PHLPP2: variants seen among roughly 807,000 people sequenced by gnomAD.
PHLPP2 encodes PH domain and leucine rich repeat protein phosphatase 2, also known as PH domain leucine-rich repeat-containing protein phosphatase 2.
Under a neutral mutation model 124.9 loss-of-function variants are expected in PHLPP2, and 66 were observed. The ratio of observed to expected loss-of-function variants is 0.53; its 90% CI spans 0.43 to 0.65. The LOEUF is 0.65. PHLPP2 is among the 30% of genes least tolerant of loss of function. The pLI is 0.00. For synonymous variants in PHLPP2, 681 were observed against 624.7 expected (o/e 1.09, Z -1.34); for missense variants, 1,685 against 1,600.4 (o/e 1.05, Z -0.90).
intron 4 of PHLPP2, among the ~76,000 whole-genome samples, chr16:71,685,363 C>T (rs2045045773): frequency 6.6e-6 from 1 of 152,114 alleles, no homozygotes; most frequent in Non-Finnish European, 1.5e-5. Flanking sequence ...ATTCCAACAA[C>T]TCAACCTATA....
intron 13 of PHLPP2, among the ~76,000 whole-genome samples, chr16:71,659,798 C>G (rs1415645309): frequency 6.6e-6 from 1 of 152,016 alleles, no homozygotes; most frequent in African/African-American, 2.4e-5. Flanking sequence ...TTAAAAATTA[C>G]AAAAATAATA....
chr16:71,691,979 T>C (rs2045118028), intron 3 of PHLPP2, among the ~76,000 whole-genome samples: 1 of 151,462 alleles, frequency 6.6e-6, no homozygotes, highest in Non-Finnish European at 1.5e-5. Context: ...GACAACTAAC[T>C]ATACACAGAA....
chr16:71,678,481 T>C (rs779253045), intron 8 of PHLPP2: 3 of 345,666 alleles, frequency 8.7e-6, no homozygotes, highest in Non-Finnish European at 1.1e-5. Flanking sequence ...CTACTAAAAG[T>C]AGAAAAAAAT....
chr16:71,713,557 G>A (rs939470104), intron 2 of PHLPP2, among the ~76,000 whole-genome samples: 1 of 151,994 alleles, frequency 6.6e-6, no homozygotes, highest in African/African-American at 2.4e-5. Context: ...GCAAAAAACT[G>A]GTAACAACTT....
intron 5 of PHLPP2, among the ~76,000 whole-genome samples, chr16:71,683,259 G>A (rs960226244): frequency 2.6e-5 from 4 of 152,122 alleles, no homozygotes; most frequent in African/African-American, 7.2e-5. Context: ...TGCAAAGATG[G>A]CTAGAAGAAA....
chr16:71,679,449 T>G lies in PHLPP2; in HGVS notation c.977A>C (p.Glu326Ala). 2 of 1,613,786 alleles carry G rather than the reference T, an allele frequency of 1.2e-6. No individual in the cohort carries two copies. The highest frequency in any genetic ancestry group is 8.5e-7 in the Non-Finnish European group (1 of 1,179,710). The change falls in exon 7 of 19, where the codon GAG becomes GCG. Residue 326 changes from glutamate (E) to alanine (A), a missense_variant. Physicochemically the swap from Glu to Ala is moderately radical, Grantham distance 107. Transcript: ENST00000568954. ...ILLCEISTLT[E>A]LNLSCNGFHD... ...AAATCCATTACAGGAAAGGTTGAGCTCAGTCAGGGTAGAGATCTCGCATAA... is the reference window on the plus strand; with the variant it reads ...AAATCCATTACAGGAAAGGTTGAGCGCAGTCAGGGTAGAGATCTCGCATAA...
intron 4 of PHLPP2, among the ~76,000 whole-genome samples, chr16:71,688,480 CTT>C (rs764623953): frequency 9.9e-5 from 15 of 152,082 alleles, no homozygotes; most frequent in Admixed American, 5.9e-4. Flanking sequence ...TCCATTCTCT[CTT>C]AGAAAATTCT....
At chr16:71,658,165 T>G (rs2044757393) in intron 15 of PHLPP2, 68 bp downstream of exon 15, 1 of 1,388,850 alleles carries the variant, frequency 7.2e-7, no homozygotes, top group South Asian at 1.3e-5. Context: ...TCCACAGTAC[T>G]AAGGAAGACC....
At chr16:71,684,993 T>G (rs1172861036) in intron 4 of PHLPP2, among the ~76,000 whole-genome samples, 2 of 152,156 alleles carry the variant, frequency 1.3e-5, no homozygotes, top group Non-Finnish European at 2.9e-5. Context: ...CCATTCCTAT[T>G]GGAGCGGTGG....
intron 15 of PHLPP2, among the ~76,000 whole-genome samples, 190 bp from the exon 16 acceptor site, chr16:71,656,871 T>A (rs1479160603): frequency 6.6e-6 from 1 of 151,790 alleles, no homozygotes. Context: ...TGCCTCAGCC[T>A]CCTAAGCAGC....
At chr16:71,722,203 G>A (rs979123935) in intron 1 of PHLPP2, among the ~76,000 whole-genome samples, 2 of 152,098 alleles carry the variant, frequency 1.3e-5, no homozygotes, top group Admixed American at 6.6e-5. Flanking sequence ...AGGCCAAGGC[G>A]GGCGGATCAC....
chr16:71,690,682 T>G lies in PHLPP2; in HGVS notation c.446A>C (p.Asp149Ala). Reference protein sequence around the residue: ...GEKPCHMDRLDRILLSGIYNV... With the variant: ...GEKPCHMDRLARILLSGIYNV... Reference sequence around the variant, plus strand: ...ATAGATGCCAGACAATAGGATTCGATCCAAACGATCCATGTGGCATGGTTT... The same window carrying G: ...ATAGATGCCAGACAATAGGATTCGAGCCAAACGATCCATGTGGCATGGTTT... The change falls in exon 4 of 19, where the codon GAT (aspartate) becomes GCT (alanine). Residue 149 changes from aspartate to alanine, a missense_variant. Asp to Ala is a moderately radical substitution (Grantham distance 126). Coordinates refer to ENST00000568954, the MANE Select transcript of PHLPP2 (RefSeq NM_015020.3). 1 of 1,612,616 alleles carries G rather than the reference T, an allele frequency of 6.2e-7. No homozygotes were observed. The highest frequency in any genetic ancestry group is 1.3e-5 in the African/African-American group (1 of 74,960).
chr16:71,667,421 G>A, intron 11 of PHLPP2, 88 bp from the exon 12 acceptor site: 1 of 1,020,720 alleles, frequency 9.8e-7, no homozygotes, highest in Non-Finnish European at 1.4e-6. Context: ...ACTGAAATTA[G>A]TTAACTTATA....
intron 3 of PHLPP2, among the ~76,000 whole-genome samples, chr16:71,698,056 C>A (rs538454094): frequency 8.5e-5 from 13 of 152,130 alleles, no homozygotes; most frequent in South Asian, 6.2e-4. Context: ...ACTGTGTTAG[C>A]CAGGATGGTC....
chr16:71,657,847 A>C (rs1373403133), intron 15 of PHLPP2, among the ~76,000 whole-genome samples: 2 of 152,190 alleles, frequency 1.3e-5, no homozygotes, highest in Non-Finnish European at 2.9e-5. Context: ...TTCAATAAAA[A>C]ACTAAGCACA....
intron 11 of PHLPP2, 100 bp from the exon 12 acceptor site, chr16:71,667,433 A>C: frequency 2.2e-6 from 2 of 902,772 alleles, no homozygotes; most frequent in Non-Finnish European, 1.7e-6. Context: ...TAACTTATAG[A>C]AACATATTCT....
Position 71,679,512 on chromosome 16 carries a change from T to C in PHLPP2, c.914A>G (p.Asn305Ser). 1.2e-6 allele frequency: 2 copies of C among 1,614,054 alleles called. No homozygotes were observed. The highest frequency in any genetic ancestry group is 1.7e-6 in the Non-Finnish European group (2 of 1,179,950). Residue 305 changes from asparagine to serine, a missense_variant, in exon 7 of 19, where the codon AAC becomes AGC. Coordinates refer to ENST00000568954, the MANE Select transcript of PHLPP2 (RefSeq NM_015020.3). ...LYKFSQLKGL[N>S]LSHNKLGLFP... ...CAACCCAAGTTTATTATGGGACAAG[T>C]TCAGGCCCTTCAGTTGAGAAAATCT...
At chr16:71,685,102 C>A (rs1046110261) in intron 4 of PHLPP2, among the ~76,000 whole-genome samples, 1 of 152,022 alleles carries the variant, frequency 6.6e-6, no homozygotes, top group South Asian at 2.1e-4. Context: ...CCGAGGCGGG[C>A]GGATCACGAG....
At position 71,664,205 on chromosome 16, in the gene PHLPP2, C is replaced by T; in HGVS notation, c.1785-106G>A. ...TATGGAATGCTGCCATTCTAAGCTTCCAAATGGGAAAAAAAAAAAAATCTC... is the reference window on the plus strand; with the variant it reads ...TATGGAATGCTGCCATTCTAAGCTTTCAAATGGGAAAAAAAAAAAAATCTC... On this transcript the variant is annotated intron_variant, in intron 12 of 18. Transcript: ENST00000568954. The T allele has an allele frequency of 1.2e-5, 9 of 773,894 alleles. No homozygotes were observed. The South Asian group carries it at 1.5e-4, about 13-fold the overall frequency. The allele number at this position is 773,894 out of a possible 1,614,324, so 47.9% of individuals were successfully genotyped here.
Sources: allele counts gnomAD v4.1 joint callset (sites outside exome capture counted in the v4.1 genomes callset), GRCh38; gene constraint gnomAD v4.1.1; transcripts MANE v1.5; gene names NCBI Gene and HGNC (gene_info 2026-07-23, HGNC 2026-07-21).